The following CSMD1 variants were observed in gnomAD, a reference collection of about 807,000 sequenced individuals.
CSMD1 encodes CUB and Sushi multiple domains 1, also known as CUB and sushi domain-containing protein 1.
Under a neutral mutation model 417.5 loss-of-function variants are expected in CSMD1, and 213 were observed. The ratio of observed to expected loss-of-function variants is 0.51; its 90% CI spans 0.46 to 0.57. CSMD1 has a LOEUF of 0.57. CSMD1 is among the 20% of genes least tolerant of loss of function. CSMD1 has a pLI of 0.00. For missense variants in CSMD1, 6,923 were observed against 4,529.7 expected (o/e 1.53, Z -15.17); for synonymous variants, 2,862 against 1,736.8 (o/e 1.65, Z -16.11).
intron 3 of CSMD1, among the ~76,000 whole-genome samples, chr8:4,055,593 A>G (rs1449884429): frequency 6.6e-6 from 1 of 152,024 alleles, no homozygotes; most frequent in Non-Finnish European, 1.5e-5. Flanking sequence ...AAGATTTAAT[A>G]ACGTTAAGAA....
intron 3 of CSMD1, among the ~76,000 whole-genome samples, chr8:4,075,737 G>T (rs1016008560): frequency 2.0e-5 from 3 of 152,056 alleles, no homozygotes; most frequent in Non-Finnish European, 1.5e-5. Flanking sequence ...CATGTTCTCA[G>T]GTTGTGTGTC....
At chr8:3,309,855 T>C (rs1054192735) in intron 23 of CSMD1, among the ~76,000 whole-genome samples, 5 of 152,202 alleles carry the variant, frequency 3.3e-5, no homozygotes, top group Middle Eastern at 6.3e-3. Flanking sequence ...AGGATTGAGA[T>C]TTGCAGCTTT....
intron 1 of CSMD1, among the ~76,000 whole-genome samples, chr8:4,750,021 T>C (rs1811198983): frequency 6.6e-6 from 1 of 152,000 alleles, no homozygotes. Flanking sequence ...ATTATTATTT[T>C]TTTGAGATGG....
chr8:3,971,057 G>T (rs1243286588), intron 5 of CSMD1, among the ~76,000 whole-genome samples: 1 of 152,126 alleles, frequency 6.6e-6, no homozygotes, highest in Non-Finnish European at 1.5e-5. Context: ...GGCCTACATG[G>T]AATCTTAATA....
At chr8:4,705,403 C>T (rs945662223) in intron 1 of CSMD1, among the ~76,000 whole-genome samples, 2 of 152,160 alleles carry the variant, frequency 1.3e-5, no homozygotes, top group Non-Finnish European at 2.9e-5. Context: ...CATGCATAGT[C>T]ATCCAAAGAC....
chr8:4,084,973 A>T (rs780371858), intron 3 of CSMD1, among the ~76,000 whole-genome samples: 1 of 152,184 alleles, frequency 6.6e-6, no homozygotes, highest in Admixed American at 6.6e-5. Flanking sequence ...GGAGATGGCC[A>T]TATTACCACA....
At position 4,291,154 on chromosome 8, in the gene CSMD1, TTATC is replaced by T. The variant is rs552950138; in HGVS notation, c.415+128795_415+128798del. ...TCTGAGTCTTAATATGGTTTGGGGA[TTATC>T]TATATTCTCTTTAGTGTTGCATAAT... On this transcript the variant is annotated intron_variant, in intron 3 of 69. Coordinates refer to ENST00000635120, the MANE Select transcript of CSMD1 (RefSeq NM_033225.6). Among the ~76,000 whole-genome samples the T allele has an allele frequency of 4.6e-5, 7 of 152,306 alleles. 1 individual carries two copies. Among genetic ancestry groups the T allele is most frequent in the African/African-American group, 1.7e-4 (7 of 41,582 alleles).
chr8:3,813,552 G>A (rs180780311), intron 5 of CSMD1, among the ~76,000 whole-genome samples: 45 of 152,198 alleles, frequency 3.0e-4, no homozygotes, highest in Non-Finnish European at 4.0e-4. Flanking sequence ...ATAACACAAC[G>A]TAGGAGTCTA....
intron 26 of CSMD1, among the ~76,000 whole-genome samples, chr8:3,253,395 AG>A (rs752433473): frequency 1.3e-5 from 2 of 152,122 alleles, no homozygotes; most frequent in Non-Finnish European, 2.9e-5. Context: ...TCTGAGAGAC[AG>A]TTTGTTATAA....
intron 10 of CSMD1, among the ~76,000 whole-genome samples, chr8:3,497,600 G>A (rs934039112): frequency 2.0e-5 from 3 of 152,076 alleles, no homozygotes; most frequent in Non-Finnish European, 2.9e-5. Flanking sequence ...CATGTTATCT[G>A]ATAAAAGTAT....
chr8:3,433,956 C>G (rs1461426246), intron 12 of CSMD1, among the ~76,000 whole-genome samples: 1 of 152,186 alleles, frequency 6.6e-6, no homozygotes, highest in Non-Finnish European at 1.5e-5. Flanking sequence ...CCAGGCAAGA[C>G]TCCCCTCTGG....
chr8:3,247,461 C>G (rs1252561157), intron 26 of CSMD1, among the ~76,000 whole-genome samples: 1 of 152,200 alleles, frequency 6.6e-6, no homozygotes, highest in African/African-American at 2.4e-5. Flanking sequence ...CAGATACAAG[C>G]CAAGCTGTCT....
intron 50 of CSMD1, among the ~76,000 whole-genome samples, chr8:3,047,778 T>A (rs1301346770): frequency 6.6e-6 from 1 of 152,254 alleles, no homozygotes; most frequent in African/African-American, 2.4e-5. Flanking sequence ...ACTACTTGCA[T>A]GGACATTCTA....
At chr8:4,200,068 A>G (rs886251110) in intron 3 of CSMD1, among the ~76,000 whole-genome samples, 8 of 152,214 alleles carry the variant, frequency 5.3e-5, no homozygotes, top group Admixed American at 2.6e-4. Context: ...CTATCAACAA[A>G]TCATCCTCTT....
At chr8:3,671,283 G>C (rs1018268093) in intron 7 of CSMD1, among the ~76,000 whole-genome samples, 1 of 147,260 alleles carries the variant, frequency 6.8e-6, no homozygotes, top group African/African-American at 2.5e-5. Flanking sequence ...TGATGTGCCT[G>C]GACACATCAC....
At chr8:4,061,942 T>G (rs1316327242) in intron 3 of CSMD1, among the ~76,000 whole-genome samples, 2 of 152,184 alleles carry the variant, frequency 1.3e-5, no homozygotes, top group Non-Finnish European at 2.9e-5. Flanking sequence ...AACGAAAGAT[T>G]CTTCATCAGC....
At chr8:4,149,494 A>C (rs1298082512) in intron 3 of CSMD1, among the ~76,000 whole-genome samples, 2 of 152,232 alleles carry the variant, frequency 1.3e-5, no homozygotes, top group Admixed American at 1.3e-4. Flanking sequence ...CTCTATCTGG[A>C]ATCTTGACTG....
At chr8:4,531,872 G>A (rs117824961) in intron 2 of CSMD1, among the ~76,000 whole-genome samples, 11,788 of 151,304 alleles carry the variant, frequency 0.078, 564 homozygotes, top group East Asian at 0.13. Flanking sequence ...CAGTCACTCC[G>A]GAAGAGAAAT....
At chr8:3,181,070 T>G in intron 37 of CSMD1, 40 bp downstream of exon 37, 2 of 1,263,678 alleles carry the variant, frequency 1.6e-6, no homozygotes, top group South Asian at 1.2e-5. Context: ...AATGACTCAG[T>G]ATAACAGTGG....
Sources: allele counts gnomAD v4.1 joint callset (sites outside exome capture counted in the v4.1 genomes callset), GRCh38; gene constraint gnomAD v4.1.1; transcripts MANE v1.5; gene names NCBI Gene and HGNC (gene_info 2026-07-23, HGNC 2026-07-21).